Variants in ASMTL observed in about 807,000 individuals in gnomAD.
ASMTL encodes acetylserotonin O-methyltransferase like.
ASMTL carries 57 observed loss-of-function variants against 60.3 expected under a neutral mutation model. The observed-to-expected ratio is 0.95, with a 90% confidence interval of 0.76 to 1.18. The LOEUF (loss-of-function observed/expected upper bound fraction) is 1.18. Ranked by LOEUF, ASMTL falls within the 50% of genes most tolerant of loss-of-function variation. The probability of loss-of-function intolerance (pLI) is 0.00; values close to 1 mark genes in which losing one functional copy is unlikely to be tolerated. For synonymous variants in ASMTL, 419 were observed against 373.0 expected (o/e 1.12, Z -1.42); for missense variants, 981 against 852.6 (o/e 1.15, Z -1.88).
Position 1,432,353 on chromosome X carries a change from G to C in ASMTL, c.425C>G (p.Ser142Trp). ...CACCTTCGTTTCCTCGTAGAATTCC[G>C]AGACCCTGGTGTCCAGCTGATGGTC... ...SKDHQLDTRV[S>W]EFYEETKVKF... Residue 142 changes from serine to tryptophan, a missense_variant, in exon 6 of 13, where the codon TCG becomes TGG. Physicochemically the swap from Ser to Trp is radical, Grantham distance 177 (BLOSUM62 -3). Coordinates refer to ENST00000381317, the MANE Select transcript of ASMTL (RefSeq NM_004192.4). The C allele has an allele frequency of 1.9e-6, 3 of 1,613,088 alleles. No individual in the cohort carries two copies. Among genetic ancestry groups the C allele is most frequent in the Non-Finnish European group, 2.5e-6 (3 of 1,179,728 alleles).
rs779966089 is a variant in ASMTL, at chrX:1,452,801, G to T, written c.40C>A (p.Arg14Ser). 3 of 1,596,282 alleles carry T rather than the reference G, an allele frequency of 1.9e-6. No individual in the cohort carries two copies. Among genetic ancestry groups the T allele is most frequent in the Non-Finnish European group, 2.5e-6 (3 of 1,177,428 alleles). The part of the protein sequence containing the change: ...CPVIGKLLHK[R>S]VVLASASPRR... ...GGGGAGGCGCTGGCCAGCACCACGC[G>T]CTTGTGCAGCAGCTTCCCAATCACC... The change falls in exon 1 of 13, where the codon CGC (arginine) becomes AGC (serine). Residue 14 changes from arginine (R) to serine (S), a missense_variant. Arg to Ser is a moderately radical substitution (Grantham distance 110). Transcript: ENST00000381317.
At chrX:1,426,193 G>A (rs2090607045) in intron 7 of ASMTL, among the ~76,000 whole-genome samples, 1 of 152,104 alleles carries the variant, frequency 6.6e-6, no homozygotes, top group Non-Finnish European at 1.5e-5. Context: ...GCCTCAGGAG[G>A]AACCAGCCCT....
intron 2 of ASMTL, 187 bp downstream of exon 2, chrX:1,441,999 G>C (rs1301911621): frequency 3.0e-6 from 2 of 656,698 alleles, no homozygotes; most frequent in Non-Finnish European, 5.4e-6. Flanking sequence ...CATTAATTCT[G>C]TATCATTAAT....
At chrX:1,431,278 TAAATA>T (rs1292916676) in intron 6 of ASMTL, among the ~76,000 whole-genome samples, 4 of 129,232 alleles carry the variant, frequency 3.1e-5, no homozygotes, top group Non-Finnish European at 6.2e-5. Flanking sequence ...TATTTATATA[TAAATA>T]AAATTAAATA....
intron 11 of ASMTL, among the ~76,000 whole-genome samples, chrX:1,416,368 C>T (rs193106738): frequency 0.085 from 9,337 of 109,898 alleles, 2,748 homozygotes; most frequent in Non-Finnish European, 0.11. Context: ...CACACAGACG[C>T]AGACATGCAC....
chrX:1,453,487 A>G (rs1351463531), upstream of ASMTL: 1 of 156,824 alleles, frequency 6.4e-6, no homozygotes, highest in Admixed American at 6.5e-5. Context: ...TGGCGCAGGC[A>G]GCTGCGGGGT....
upstream of ASMTL, chrX:1,453,045 C>G (rs1312406231): frequency 1.9e-6 from 1 of 519,634 alleles, no homozygotes; most frequent in Non-Finnish European, 3.2e-6. Flanking sequence ...TTGAACACTC[C>G]GTCAGGCCTC....
intron 6 of ASMTL, among the ~76,000 whole-genome samples, chrX:1,429,626 C>A (rs761097031): frequency 9.9e-4 from 151 of 152,100 alleles, no homozygotes; most frequent in African/African-American, 3.4e-3. Flanking sequence ...GGCAAAACCC[C>A]TTCTCTACTA....
intron 12 of ASMTL, among the ~76,000 whole-genome samples, chrX:1,410,825 G>A (rs1179686756): frequency 3.3e-5 from 5 of 152,052 alleles, no homozygotes; most frequent in African/African-American, 1.2e-4. Context: ...AGGAGGTCAA[G>A]GCTGCAGTGA....
intron 8 of ASMTL, 139 bp downstream of exon 8, chrX:1,425,386 G>C (rs755093269): frequency 9.8e-7 from 1 of 1,024,144 alleles, no homozygotes; most frequent in Admixed American, 2.9e-5. Flanking sequence ...TCAACCTTTC[G>C]GGAAAAGCAG....
At chrX:1,427,478 CA>C (rs1226104026) in intron 7 of ASMTL, among the ~76,000 whole-genome samples, 2 of 151,014 alleles carry the variant, frequency 1.3e-5, no homozygotes, top group Non-Finnish European at 2.9e-5. Flanking sequence ...GACACAGACA[CA>C]GTGGATGAGG....
intron 9 of ASMTL, among the ~76,000 whole-genome samples, chrX:1,420,151 G>GT (rs1465267149): frequency 1.3e-5 from 2 of 150,572 alleles, no homozygotes; most frequent in African/African-American, 4.9e-5. Context: ...CTCCATCTTT[G>GT]TTTCTGTCTC....
chrX:1,412,402 A>G (rs559841600), intron 12 of ASMTL, among the ~76,000 whole-genome samples: 65 of 145,842 alleles, frequency 4.5e-4, no homozygotes, highest in South Asian at 6.6e-4. Context: ...TAATTTTTGT[A>G]TTTTTAGTAG....
At chrX:1,434,574 C>T (rs180774620) in intron 5 of ASMTL, among the ~76,000 whole-genome samples, 10 of 151,032 alleles carry the variant, frequency 6.6e-5, no homozygotes, top group Non-Finnish European at 1.2e-4. Flanking sequence ...GAGGCTGAGG[C>T]GGGTGGATCA....
chrX:1,416,733 ACACACAGT>A (rs1306258712), intron 11 of ASMTL, among the ~76,000 whole-genome samples: 4 of 15,630 alleles, frequency 2.6e-4, no homozygotes, highest in Non-Finnish European at 4.2e-3. Context: ...AGGACATACC[ACACACAGT>A]CAGTCATGCA....
intron 11 of ASMTL, 39 bp downstream of exon 11, chrX:1,417,934 C>G (rs1377182973): frequency 1.3e-6 from 2 of 1,570,668 alleles, no homozygotes; most frequent in East Asian, 2.3e-5. Context: ...ATGCTGCAGT[C>G]TGGAAAAGGT....
chrX:1,445,669 T>C (rs1453069345), intron 1 of ASMTL, among the ~76,000 whole-genome samples: 47 of 152,202 alleles, frequency 3.1e-4, no homozygotes, highest in African/African-American at 1.1e-3. Flanking sequence ...TCTTCCGGTA[T>C]ATGATAAAAT....
At position 1,427,991 on chromosome X, in the gene ASMTL, G is replaced by T; in HGVS notation, c.640C>A (p.Pro214Thr). Residue 214 changes from proline to threonine, a missense_variant, in exon 7 of 13, where the codon CCG (proline) becomes ACG (threonine). Coordinates refer to ENST00000381317, the MANE Select transcript of ASMTL (RefSeq NM_004192.4). Reference protein sequence around the residue: ...FCKQLVKLYYPPRPEDLRRSV... With the variant: ...FCKQLVKLYYTPRPEDLRRSV... ...CGCCGCAGGTCCTCCGGACGGGGCG[G>T]GTAGTAGAGCTTCACCAGCTGCTTG... The T allele has an allele frequency of 2.5e-6, 4 of 1,613,618 alleles. No homozygotes were observed. Among genetic ancestry groups the T allele is most frequent in the Non-Finnish European group, 3.4e-6 (4 of 1,179,854 alleles).
At position 1,437,783 on chromosome X, in the gene ASMTL, G is replaced by A. The variant is rs754323590; in HGVS notation, c.273+1314C>T. Among the ~76,000 whole-genome samples the A allele has an allele frequency of 8.6e-5, 13 of 151,470 alleles. No individual in the cohort carries two copies. The South Asian group carries it at 1.0e-3, about 12-fold the overall frequency. The stretch of plus-strand genomic sequence containing the variant: ...GTGGTCGCGCGCACCTGTAGTCCCC[G>A]CTACTCGGGAGGCTGAGGCAGGAGA... On this transcript the variant is annotated intron_variant, in intron 3 of 12. Transcript: ENST00000381317.
Sources: allele counts gnomAD v4.1 joint callset (sites outside exome capture counted in the v4.1 genomes callset), GRCh38; gene constraint gnomAD v4.1.1; transcripts MANE v1.5; gene names NCBI Gene and HGNC (gene_info 2026-07-23, HGNC 2026-07-21).